ZNF532: variants seen among roughly 807,000 people sequenced by gnomAD.
ZNF532 encodes zinc finger protein 532.
Under a neutral mutation model 89.3 loss-of-function variants are expected in ZNF532, and 22 were observed. The ratio of observed to expected loss-of-function variants is 0.25; its 90% confidence interval spans 0.18 to 0.35. The LOEUF (loss-of-function observed/expected upper bound fraction) is 0.35, where lower values mean the gene tolerates loss of function less well. Among genes scored for constraint, ZNF532 ranks in the 10% least tolerant of loss-of-function variants. ZNF532 has a pLI of 1.00. For missense variants in ZNF532, 1,132 were observed against 1,643.4 expected (o/e 0.69, Z 5.38); for synonymous variants, 606 against 649.6 (o/e 0.93, Z 1.02).
At chr18:58,939,082 A>C (rs1475279929) in intron 4 of ZNF532, among the ~76,000 whole-genome samples, 1 of 151,908 alleles carries the variant, frequency 6.6e-6, no homozygotes, top group Non-Finnish European at 1.5e-5. Flanking sequence ...CCCCATCTCT[A>C]CTAAAAATAC....
Position 58,985,703 on chromosome 18 carries a change from GGTTTT to G in ZNF532, c.*1245_*1249del, listed in dbSNP as rs987617228. 1.5e-4 allele frequency: 22 copies of G among 147,718 alleles called. No homozygotes were observed. Among genetic ancestry groups the G allele is most frequent in the East Asian group, 8.1e-4 (4 of 4,916 alleles). The allele number at this position is 147,718 out of a possible 1,614,324, so 9.2% of individuals were successfully genotyped here. ...GTTCTCTGAGAGAGTTCTATTTTTT[GGTTTT>G]GTTTTGTGTTTTCTTTTGCATTTTG... is the stretch of plus-strand genomic sequence containing the variant. On this transcript the variant is annotated 3_prime_UTR_variant, in exon 10 of 10. Transcript: ENST00000591808.
At chr18:58,893,155 T>G (rs563900009) in intron 2 of ZNF532, among the ~76,000 whole-genome samples, 46 of 152,150 alleles carry the variant, frequency 3.0e-4, no homozygotes, top group South Asian at 1.9e-3. Flanking sequence ...ATTTTTGCAT[T>G]TTTAGCAGAG....
At position 58,984,634 on chromosome 18, in the gene ZNF532, T is replaced by G. The variant is rs2068227354; in HGVS notation, c.*168T>G. 3 of 737,094 alleles carry G rather than the reference T, an allele frequency of 4.1e-6. No individual in the cohort carries two copies. The highest frequency in any genetic ancestry group is 6.4e-6 in the Non-Finnish European group (3 of 466,454). 45.7% of individuals were successfully genotyped at this position (737,094 alleles called of 1,614,324 possible). A position where few individuals can be genotyped will look rare whatever the true frequency, so the allele number is the denominator to read the frequency against. Reference sequence around the variant, plus strand: ...CGTCGTATATATCCTCGATAAGTATTAAAACAGTATTTGAGTTTAAAAGAG... The same window carrying G: ...CGTCGTATATATCCTCGATAAGTATGAAAACAGTATTTGAGTTTAAAAGAG... On this transcript the variant is annotated 3_prime_UTR_variant, in exon 10 of 10. Coordinates refer to ENST00000591808, the MANE Select transcript of ZNF532 (RefSeq NM_001375912.1).
At chr18:58,870,072 G>GTTTTTTT (rs764095848) in intron 2 of ZNF532, among the ~76,000 whole-genome samples, 2 of 112,792 alleles carry the variant, frequency 1.8e-5, no homozygotes, top group African/African-American at 6.7e-5. Flanking sequence ...AGCCCAGGTT[G>GTTTTTTT]TTTTTTTTTT....
intron 2 of ZNF532, among the ~76,000 whole-genome samples, chr18:58,888,362 C>G (rs974652696): frequency 6.6e-6 from 1 of 152,032 alleles, no homozygotes; most frequent in East Asian, 1.9e-4. Context: ...AGATATTTTT[C>G]TTGTAAGTTT....
chr18:58,867,601 T>C lies in ZNF532; in HGVS notation c.-18+2022T>C, dbSNP rs554011629. On this transcript the variant is annotated intron_variant, in intron 2 of 9. Transcript: ENST00000591808. ...GGAGAGCCAGGGGGGACCCGGTGCC[T>C]GCAGTTCCTGTCACCGTGGAGCCCA... Among the ~76,000 whole-genome samples, 3 of 152,266 alleles carry C rather than the reference T, an allele frequency of 2.0e-5. No homozygotes were observed. The South Asian group carries it at 6.2e-4, about 32-fold the overall frequency.
At chr18:58,906,067 C>T (rs1387571172) in intron 2 of ZNF532, among the ~76,000 whole-genome samples, 1 of 152,162 alleles carries the variant, frequency 6.6e-6, no homozygotes, top group African/African-American at 2.4e-5. Flanking sequence ...TAACTTACCA[C>T]AGTTGATGCT....
In ZNF532 at chr18:58,918,633, G is replaced by A. The variant is rs776104600; in HGVS notation, c.346G>A (p.Ala116Thr). The change falls in exon 3 of 10, where the codon GCC becomes ACC. Residue 116 changes from alanine (A) to threonine (T), a missense_variant. This residue lies in a region of ZNF532 where 302 missense variants were observed against 319.8 expected (regional missense o/e 0.94). Transcript: ENST00000591808. ...AAAGTCCTTGAAAGGAGATGTGCCTGCCTCTGAGGTGACACTGAAAGACTC... is the reference window on the plus strand; with the variant it reads ...AAAGTCCTTGAAAGGAGATGTGCCTACCTCTGAGGTGACACTGAAAGACTC... The part of the protein sequence containing the change: ...GAKSLKGDVP[A>T]SEVTLKDSTF... 1 of 1,614,198 alleles carries A rather than the reference G, an allele frequency of 6.2e-7. No homozygotes were observed.
At chr18:58,917,437 G>T (rs1389493637) in intron 2 of ZNF532, among the ~76,000 whole-genome samples, 2 of 152,198 alleles carry the variant, frequency 1.3e-5, no homozygotes, top group Non-Finnish European at 1.5e-5. Context: ...GAAGGCTGGG[G>T]TTCCAGGGAG....
chr18:58,888,724 T>TGTA lies in ZNF532; in HGVS notation c.-18+23145_-18+23146insGTA. Among the ~76,000 whole-genome samples, 2 of 37,824 alleles carry TGTA rather than the reference T, an allele frequency of 5.3e-5. 1 individual carries two copies. Among genetic ancestry groups the TGTA allele is most frequent in the South Asian group, 1.4e-3 (2 of 1,410 alleles). The allele number at this position is 37,824 out of a possible 152,430, so 24.8% of individuals were successfully genotyped here. A position where few individuals can be genotyped will look rare whatever the true frequency, so the allele number is the denominator to read the frequency against. ...ATATATATATATATATATATATATA[T>TGTA]AAATTATATATATATATTTTATATA... is the stretch of plus-strand genomic sequence containing the variant. On this transcript the variant is annotated intron_variant, in intron 2 of 9. Transcript: ENST00000591808.
At chr18:58,864,132 G>A (rs1280733426), upstream of ZNF532, 1 of 152,284 alleles carries the variant, frequency 6.6e-6, no homozygotes, top group Non-Finnish European at 1.5e-5. Context: ...CTCTCCCACT[G>A]GCCCTGCCTT....
intron 3 of ZNF532, among the ~76,000 whole-genome samples, chr18:58,933,135 C>T (rs1438601734): frequency 6.6e-6 from 1 of 151,958 alleles, no homozygotes; most frequent in African/African-American, 2.4e-5. Flanking sequence ...GTTTTCCTTG[C>T]TGTGGCTTGT....
At chr18:58,907,638 C>T (rs2060017232) in intron 2 of ZNF532, among the ~76,000 whole-genome samples, 1 of 151,978 alleles carries the variant, frequency 6.6e-6, no homozygotes, top group Non-Finnish European at 1.5e-5. Context: ...TTGGGGGTTG[C>T]AAAGATCAGG....
At chr18:58,907,506 T>G (rs935559221) in intron 2 of ZNF532, among the ~76,000 whole-genome samples, 7 of 152,038 alleles carry the variant, frequency 4.6e-5, no homozygotes, top group African/African-American at 1.7e-4. Context: ...TTTTTGTTTT[T>G]TTTTTGAGAT....
intron 2 of ZNF532, among the ~76,000 whole-genome samples, chr18:58,912,229 A>T (rs747657882): frequency 6.6e-6 from 1 of 152,238 alleles, no homozygotes; most frequent in Non-Finnish European, 1.5e-5. Flanking sequence ...GATCAGGAAT[A>T]TCAAGTGTTA....
intron 3 of ZNF532, among the ~76,000 whole-genome samples, chr18:58,920,870 A>T (rs1225305329): frequency 6.6e-6 from 1 of 151,676 alleles, no homozygotes; most frequent in Non-Finnish European, 1.5e-5. Context: ...AGAAACAATT[A>T]GCTGGGGATG....
rs144626258 is a variant in ZNF532, at chr18:58,981,489, C to T, written c.3283C>T (p.Arg1095Cys). 4.1e-5 allele frequency: 66 copies of T among 1,613,142 alleles called. No individual in the cohort carries two copies. The Admixed American group carries it at 8.7e-4, about 21-fold the overall frequency. The change falls in exon 9 of 10, where the codon CGT becomes TGT. Residue 1095 changes from arginine (R) to cysteine (C), a missense_variant. Physicochemically the swap from Arg to Cys is radical, Grantham distance 180 (BLOSUM62 -3). Around this residue, in one of 9 missense-constraint regions of ZNF532, gnomAD observed 415 missense variants for 604.8 expected, o/e 0.69. Transcript: ENST00000591808. ...CCACAGGCACTGCCCAGACTCCAGA[C>T]GTACCTTTACCAAACGTTTGATGCT... is the stretch of plus-strand genomic sequence containing the variant. ...YACSHCPDSR[R>C]TFTKRLMLEK...
intron 5 of ZNF532, among the ~76,000 whole-genome samples, chr18:58,942,220 C>T (rs1164483160): frequency 4.0e-5 from 6 of 151,414 alleles, no homozygotes; most frequent in Non-Finnish European, 8.8e-5. Flanking sequence ...GATGGGGTTT[C>T]ACCGTGTTAG....
intron 6 of ZNF532, among the ~76,000 whole-genome samples, chr18:58,949,970 A>G (rs1379826181): frequency 1.3e-5 from 2 of 152,214 alleles, no homozygotes; most frequent in South Asian, 2.1e-4. Context: ...CTCTTAAGAT[A>G]CTTTAACTAT....
Sources: allele counts gnomAD v4.1 joint callset (sites outside exome capture counted in the v4.1 genomes callset), GRCh38; gene constraint gnomAD v4.1.1; regional missense constraint gnomAD v4.1.1; transcripts MANE v1.5; gene names NCBI Gene and HGNC (gene_info 2026-07-23, HGNC 2026-07-21).